Variants in PIK3C2A observed in about 807,000 individuals in gnomAD.
The protein encoded by PIK3C2A is phosphatidylinositol-4-phosphate 3-kinase catalytic subunit type 2 alpha.
Under a neutral mutation model 204.5 loss-of-function variants are expected in PIK3C2A, and 97 were observed. The ratio of observed to expected loss-of-function variants is 0.47; its 90% CI spans 0.40 to 0.56. The LOEUF is 0.56. PIK3C2A is among the 20% of genes least tolerant of loss of function. The pLI, the probability that PIK3C2A is intolerant of heterozygous loss-of-function variation, is 0.00. For missense variants in PIK3C2A, 1,735 were observed against 1,969.2 expected (o/e 0.88, Z 2.25); for synonymous variants, 653 against 664.4 (o/e 0.98, Z 0.26).
chr11:17,176,266 C>T (rs1282636359), intron 1 of PIK3C2A, among the ~76,000 whole-genome samples: 1 of 151,794 alleles, frequency 6.6e-6, no homozygotes, highest in East Asian at 1.9e-4. Context: ...CTCAGCTTCC[C>T]AAAGTGCTGG....
At chr11:17,102,481 A>G (rs1348714431) in intron 24 of PIK3C2A, among the ~76,000 whole-genome samples, 181 bp downstream of exon 24, 3 of 152,198 alleles carry the variant, frequency 2.0e-5, no homozygotes, top group Admixed American at 2.0e-4. Flanking sequence ...ACAACAAAAC[A>G]AAGTTTATAC....
chr11:17,137,567 C>G (rs1849915380), intron 8 of PIK3C2A, among the ~76,000 whole-genome samples: 1 of 151,910 alleles, frequency 6.6e-6, no homozygotes, highest in East Asian at 1.9e-4. Flanking sequence ...TGCCACCATG[C>G]CTGGCTAATT....
intron 1 of PIK3C2A, among the ~76,000 whole-genome samples, chr11:17,176,589 G>A (rs1851348684): frequency 6.6e-6 from 1 of 152,032 alleles, no homozygotes; most frequent in Admixed American, 6.6e-5. Flanking sequence ...AAGAGTTCGA[G>A]ACCAGCGTGG....
At position 17,114,080 on chromosome 11, in the gene PIK3C2A, A is replaced by AAAAAAAATAAAT. The variant is rs1555018884; in HGVS notation, c.3321+280_3321+281insATTTATTTTTTT. Among the ~76,000 whole-genome samples, 5 of 143,304 alleles carry AAAAAAAATAAAT rather than the reference A, an allele frequency of 3.5e-5. No individual in the cohort carries two copies. In the East Asian group the frequency reaches 8.0e-4, roughly 23 times the overall value. 94.0% of individuals were successfully genotyped at this position (143,304 alleles called of 152,430 possible). A position where few individuals can be genotyped will look rare whatever the true frequency, so the allele number is the denominator to read the frequency against. ...GGGCAAGAGTGAGACTTTGTCTCAAAAAATAAATAAATAAATAAATAAATA... is the reference window on the plus strand; with the variant it reads ...GGGCAAGAGTGAGACTTTGTCTCAAAAAAAAAATAAATAAATAAATAAATAAATAAATAAATA... On this transcript the variant is annotated intron_variant, in intron 20 of 32. Coordinates refer to ENST00000691414, the MANE Select transcript of PIK3C2A (RefSeq NM_002645.4).
rs1849710915 is a variant in PIK3C2A, at chr11:17,131,992, C to T, written c.2155G>A (p.Asp719Asn). Residue 719 changes from aspartate (D) to asparagine (N), a missense_variant, in exon 12 of 33, where the codon GAT becomes AAT. Physicochemically the swap from Asp to Asn is conservative, Grantham distance 23. This residue lies in a region of PIK3C2A where 567 missense variants were observed against 576.0 expected (regional missense o/e 0.98). Coordinates refer to ENST00000691414, the MANE Select transcript of PIK3C2A (RefSeq NM_002645.4). Reference sequence around the variant, plus strand: ...TTTGATTGAATAGGTTTAAAAAGATCCTTTCCATTGTGAGACAGTGAACAT... The same window carrying T: ...TTTGATTGAATAGGTTTAAAAAGATTCTTTCCATTGTGAGACAGTGAACAT... ...LICSLSHNGK[D>N]LFKPIQSKKV... is the part of the protein sequence containing the mutation. 1 of 1,570,606 alleles carries T rather than the reference C, an allele frequency of 6.4e-7. No homozygotes were observed. The highest frequency in any genetic ancestry group is 1.1e-5 in the South Asian group (1 of 87,592).
intron 1 of PIK3C2A, among the ~76,000 whole-genome samples, chr11:17,200,797 AATAAGT>A (rs1220630897): frequency 5.3e-5 from 8 of 152,250 alleles, no homozygotes; most frequent in Non-Finnish European, 1.2e-4. Flanking sequence ...ATTATACCTT[AATAAGT>A]ATGACTTTTC....
chr11:17,185,485 G>A (rs1301989827), intron 1 of PIK3C2A, among the ~76,000 whole-genome samples: 2 of 152,118 alleles, frequency 1.3e-5, no homozygotes, highest in African/African-American at 2.4e-5. Context: ...GGTACTATCC[G>A]AAGTTTTAGG....
chr11:17,141,731 T>C (rs180920789), intron 8 of PIK3C2A, among the ~76,000 whole-genome samples: 2 of 152,324 alleles, frequency 1.3e-5, no homozygotes, highest in Admixed American at 1.3e-4. Flanking sequence ...ATCATTTTGG[T>C]TGCCTGTGGA....
At chr11:17,161,626 G>A (rs1428202472) in intron 2 of PIK3C2A, among the ~76,000 whole-genome samples, 1 of 151,956 alleles carries the variant, frequency 6.6e-6, no homozygotes, top group African/African-American at 2.4e-5. Flanking sequence ...ACAAAAAATT[G>A]GAACTAATGT....
intron 15 of PIK3C2A, among the ~76,000 whole-genome samples, chr11:17,120,805 TTTTA>T (rs1439498580): frequency 6.6e-6 from 1 of 152,128 alleles, no homozygotes. Flanking sequence ...ATAATCTCAT[TTTTA>T]TTTATTTTAT....
At chr11:17,152,970 G>A (rs537565648) in intron 3 of PIK3C2A, among the ~76,000 whole-genome samples, 159 of 152,084 alleles carry the variant, frequency 1.0e-3, no homozygotes, top group African/African-American at 3.7e-3. Context: ...GGAAGTTTTT[G>A]GGGTCAAGAT....
intron 12 of PIK3C2A, among the ~76,000 whole-genome samples, chr11:17,131,041 A>G (rs1490861224): frequency 6.6e-6 from 1 of 152,038 alleles, no homozygotes; most frequent in Non-Finnish European, 1.5e-5. Context: ...ACAAAAAATT[A>G]GCCAGGCGTG....
intron 1 of PIK3C2A, among the ~76,000 whole-genome samples, chr11:17,202,664 A>T (rs983211897): frequency 2.0e-5 from 3 of 152,198 alleles, no homozygotes; most frequent in African/African-American, 7.2e-5. Context: ...GTAAGTCACA[A>T]CATCTTTGGG....
chr11:17,112,680 A>G lies in PIK3C2A; in HGVS notation c.3322-14T>C, dbSNP rs1352799504. ...GAAGGAACACGACTGCAAATACAAC[A>G]TGTTAAGCATTAGAAAGATAAATGA... On this transcript the variant is annotated splice_polypyrimidine_tract_variant and intron_variant, in intron 20 of 32. Coordinates refer to ENST00000691414, the MANE Select transcript of PIK3C2A (RefSeq NM_002645.4). 2.3e-6 allele frequency: 3 copies of G among 1,332,222 alleles called. No homozygotes were observed. The highest frequency in any genetic ancestry group is 3.1e-6 in the Non-Finnish European group (3 of 972,898). 82.5% of individuals were successfully genotyped at this position (1,332,222 alleles called of 1,614,324 possible).
At chr11:17,184,473 A>T (rs536985909) in intron 1 of PIK3C2A, among the ~76,000 whole-genome samples, 140 of 152,268 alleles carry the variant, frequency 9.2e-4, no homozygotes, top group Non-Finnish European at 1.2e-3. Flanking sequence ...AAAAAAATTT[A>T]AAATTTAAAA....
chr11:17,159,943 A>G (rs1850721644), intron 2 of PIK3C2A, among the ~76,000 whole-genome samples: 1 of 152,206 alleles, frequency 6.6e-6, no homozygotes, highest in Non-Finnish European at 1.5e-5. Flanking sequence ...TGGGAGGGTC[A>G]TTCTGCAGGC....
intron 2 of PIK3C2A, among the ~76,000 whole-genome samples, chr11:17,160,372 C>G (rs1033862281): frequency 6.6e-6 from 1 of 152,056 alleles, no homozygotes. Context: ...TTACCCAGGG[C>G]AACAGAAGTT....
intron 12 of PIK3C2A, among the ~76,000 whole-genome samples, chr11:17,131,610 A>G (rs983696741): frequency 6.3e-4 from 95 of 151,916 alleles, no homozygotes; most frequent in Non-Finnish European, 1.2e-3. Flanking sequence ...TTTAGTAGAG[A>G]CGGGGTTTCA....
intron 1 of PIK3C2A, chr11:17,194,003 A>C (rs1852050228): frequency 5.3e-6 from 2 of 375,180 alleles, no homozygotes; most frequent in Non-Finnish European, 9.7e-6. Context: ...AAGCAAAACA[A>C]GAAGGGCCTA....
Sources: gnomAD v4.1 joint callset for allele counts (sites outside exome capture counted in the v4.1 genomes callset) on GRCh38, gnomAD v4.1.1 for gene constraint, gnomAD v4.1.1 regional missense constraint, MANE v1.5 for transcripts, NCBI Gene and HGNC (gene_info 2026-07-23, HGNC 2026-07-21) for gene names.